The following TMEM164 variants were observed in gnomAD, a reference collection of about 807,000 sequenced individuals.
TMEM164 encodes RP13-360B22.2.
TMEM164 carries 4 observed loss-of-function variants against 18.8 expected under a neutral mutation model. The observed-to-expected ratio is 0.21, with a 90% CI of 0.10 to 0.49. The LOEUF is 0.49. TMEM164 is among the 20% of genes least tolerant of loss of function. TMEM164 has a pLI of 0.98. For synonymous variants in TMEM164, 86 were observed against 101.7 expected, an observed-to-expected ratio of 0.85 and a Z score of 0.93; for missense variants, 108 against 239.9, an observed-to-expected ratio of 0.45 and a Z score of 3.63.
intron 2 of TMEM164, among the ~76,000 whole-genome samples, chrX:110,032,674 A>G (rs750200518): frequency 1.8e-5 from 2 of 111,816 alleles, no homozygotes. Context: ...GATAAACTGT[A>G]AAGCTGAATA....
chrX:110,070,087 G>A (rs1388392844), intron 3 of TMEM164, among the ~76,000 whole-genome samples: 3 of 111,323 alleles, frequency 2.7e-5, no homozygotes, highest in East Asian at 2.8e-4. Context: ...AGGCTGAGGC[G>A]GGTGGATCAC....
At chrX:110,107,861 T>C (rs2066229990) in intron 3 of TMEM164, among the ~76,000 whole-genome samples, 1 of 110,122 alleles carries the variant, frequency 9.1e-6, no homozygotes. Context: ...GGTTTTGCCA[T>C]ATTGTCTAGG....
At chrX:110,058,168 A>G (rs941174975) in intron 2 of TMEM164, among the ~76,000 whole-genome samples, 2 of 111,115 alleles carry the variant, frequency 1.8e-5, no homozygotes, top group African/African-American at 6.5e-5. Flanking sequence ...TTGCGTGTGG[A>G]TATCCAGTTA....
chrX:110,091,802 C>G (rs186402675), intron 3 of TMEM164, among the ~76,000 whole-genome samples: 34 of 112,039 alleles, frequency 3.0e-4, no homozygotes, highest in African/African-American at 8.1e-4. Flanking sequence ...GTCCTGAATG[C>G]TATTGCCTAG....
intron 3 of TMEM164, among the ~76,000 whole-genome samples, chrX:110,084,026 G>A (rs2065796595): frequency 9.0e-6 from 1 of 110,931 alleles, no homozygotes. Context: ...AATAATAGCA[G>A]TACTAGCAGG....
chrX:110,088,961 C>T (rs1180533740), intron 3 of TMEM164, among the ~76,000 whole-genome samples: 1 of 111,606 alleles, frequency 9.0e-6, no homozygotes, highest in African/African-American at 3.3e-5. Flanking sequence ...TATTTTGGGC[C>T]TCTTTTTACT....
intron 3 of TMEM164, among the ~76,000 whole-genome samples, chrX:110,093,416 G>C (rs1269967510): frequency 9.0e-6 from 1 of 111,723 alleles, no homozygotes; most frequent in Non-Finnish European, 1.9e-5. Flanking sequence ...GTTTACTCTT[G>C]GGAGGGTGTA....
intron 3 of TMEM164, among the ~76,000 whole-genome samples, chrX:110,102,552 T>C (rs2066127954): frequency 8.9e-6 from 1 of 112,198 alleles, no homozygotes; most frequent in Non-Finnish European, 1.9e-5. Context: ...AGGATCATAA[T>C]AGCTTCATTT....
intron 2 of TMEM164, among the ~76,000 whole-genome samples, chrX:110,043,853 T>C (rs866182817): frequency 2.5e-4 from 28 of 112,360 alleles, no homozygotes; most frequent in African/African-American, 8.7e-4. Flanking sequence ...TTCCTTATAA[T>C]CTGAGTCTCT....
chrX:110,100,194 G>A (rs757854086), intron 3 of TMEM164, among the ~76,000 whole-genome samples: 11 of 109,833 alleles, frequency 1.0e-4, no homozygotes, highest in Admixed American at 3.9e-4. Flanking sequence ...TGATTTCCTC[G>A]CTAAAGTTGC....
At chrX:110,137,068 T>A (rs747235356) in intron 4 of TMEM164, among the ~76,000 whole-genome samples, 2 of 112,316 alleles carry the variant, frequency 1.8e-5, no homozygotes, top group East Asian at 5.6e-4. Context: ...TTTCCATGTT[T>A]GTGTGTCCTG....
chrX:110,091,307 A>G (rs1231420379), intron 3 of TMEM164, among the ~76,000 whole-genome samples: 1 of 112,338 alleles, frequency 8.9e-6, no homozygotes, highest in Non-Finnish European at 1.9e-5. Context: ...TGGTTGAACT[A>G]GTTTACAGTC....
intron 3 of TMEM164, among the ~76,000 whole-genome samples, chrX:110,071,685 G>A (rs1404666129): frequency 2.4e-5 from 2 of 82,297 alleles, no homozygotes; most frequent in African/African-American, 9.5e-5. Context: ...TTCGGGACCA[G>A]CCTGGACAAC....
In TMEM164 at chrX:110,176,210, C is replaced by T; in HGVS notation, c.*2759C>T. ...CCTCCAGCCCCTAGGTAGCCTTGGC[C>T]AGGGATGTGGGCCAAGAACAGTCTG... On this transcript the variant is annotated 3_prime_UTR_variant, in exon 7 of 7. Transcript: ENST00000372068. 1.3e-6 allele frequency: 1 copy of T among 756,719 alleles called. No homozygotes were observed. The allele number at this position is 756,719 out of a possible 1,213,427, so 62.4% of individuals were successfully genotyped here. A position where few individuals can be genotyped will look rare whatever the true frequency, so the allele number is the denominator to read the frequency against.
chrX:110,129,398 C>T (rs997557640), intron 4 of TMEM164, among the ~76,000 whole-genome samples: 7 of 112,265 alleles, frequency 6.2e-5, no homozygotes, highest in African/African-American at 2.3e-4. Context: ...CTTTGTCCCC[C>T]ATCCCTTATG....
intron 4 of TMEM164, among the ~76,000 whole-genome samples, chrX:110,142,590 A>G (rs1474447204): frequency 2.7e-5 from 3 of 113,185 alleles, no homozygotes; most frequent in Non-Finnish European, 5.6e-5. Context: ...TGTTTAAATT[A>G]ACAGTTTACA....
intron 2 of TMEM164, among the ~76,000 whole-genome samples, chrX:110,049,260 G>T (rs941508529): frequency 9.0e-6 from 1 of 110,891 alleles, no homozygotes; most frequent in Non-Finnish European, 1.9e-5. Flanking sequence ...GCTCAGAATA[G>T]AATGGAATCT....
At chrX:110,035,063 A>C (rs1934718015) in intron 2 of TMEM164, among the ~76,000 whole-genome samples, 2 of 67,876 alleles carry the variant, frequency 2.9e-5, no homozygotes, top group Non-Finnish European at 2.6e-5. Flanking sequence ...CACTCTGGGG[A>C]CTGTTGTGGG....
At chrX:110,095,760 G>A (rs892236304) in intron 3 of TMEM164, among the ~76,000 whole-genome samples, 5 of 112,271 alleles carry the variant, frequency 4.5e-5, no homozygotes, top group East Asian at 5.6e-4. Flanking sequence ...GAGAAGAGGC[G>A]CTCTGATGTT....
Sources: gnomAD v4.1 joint callset for allele counts (sites outside exome capture counted in the v4.1 genomes callset) on GRCh38, gnomAD v4.1.1 for gene constraint, MANE v1.5 for transcripts, NCBI Gene and HGNC (gene_info 2026-07-23, HGNC 2026-07-21) for gene names.